Variants in SI observed in about 807,000 individuals in gnomAD.
SI encodes the protein sucrase-isomaltase.
SI carries 235 observed loss-of-function variants against 253.3 expected under a neutral mutation model. The observed-to-expected ratio is 0.93, with a 90% CI of 0.83 to 1.03. The LOEUF is 1.03. SI is among the 50% of genes least tolerant of loss of function. The pLI is 0.00. For synonymous variants in SI, 819 were observed against 712.0 expected (o/e 1.15, Z -2.39); for missense variants, 2,442 against 2,211.1 (o/e 1.10, Z -2.09).
chr3:165,072,164 A>T (rs539678803), intron 3 of SI, among the ~76,000 whole-genome samples: 250 of 151,878 alleles, frequency 1.6e-3, no homozygotes, highest in African/African-American at 5.5e-3. Context: ...CTTTTTTTTT[A>T]AATTAAGGAA....
chr3:165,045,313 G>A (rs1462934496), intron 16 of SI, among the ~76,000 whole-genome samples: 1 of 151,716 alleles, frequency 6.6e-6, no homozygotes, highest in Non-Finnish European at 1.5e-5. Flanking sequence ...TATTGAACAG[G>A]GTATATCTTT....
At chr3:165,022,420 G>T (rs1711670113) in intron 26 of SI, among the ~76,000 whole-genome samples, 1 of 122,400 alleles carries the variant, frequency 8.2e-6, no homozygotes, top group Non-Finnish European at 1.8e-5. Flanking sequence ...TTTTATTTTA[G>T]CATATGATTA....
At chr3:165,083,920 T>G in the SI span, among the ~76,000 whole-genome samples, 4 of 152,016 alleles carry the variant, frequency 2.6e-5, no homozygotes, top group South Asian at 2.1e-4. Context: ...GCTTTGTTGT[T>G]TGATGACAAA....
intron 25 of SI, among the ~76,000 whole-genome samples, chr3:165,030,004 A>G (rs1439074327): frequency 2.0e-5 from 3 of 150,720 alleles, no homozygotes; most frequent in African/African-American, 4.9e-5. Context: ...GATTCTATGC[A>G]TCTCTTTATA....
At position 165,049,019 on chromosome 3, in the gene SI, TTC is replaced by T. The variant is rs1491181404; in HGVS notation, c.1715+106_1715+107del. On this transcript the variant is annotated intron_variant, in intron 15 of 47. Transcript: ENST00000264382. ...TTTTAGCAGGCATAAAATATTATCT[TTC>T]TTTTTTCAACTTTGCTATTTCCTAA... 6.8e-5 allele frequency: 51 copies of T among 751,160 alleles called. No individual in the cohort carries two copies. In the African/African-American group the frequency reaches 7.6e-4, roughly 11 times the overall value. The allele number at this position is 751,160 out of a possible 1,614,324, so 46.5% of individuals were successfully genotyped here.
At chr3:165,004,122 T>C (rs1718388481) in intron 37 of SI, among the ~76,000 whole-genome samples, 1 of 152,102 alleles carries the variant, frequency 6.6e-6, no homozygotes, top group South Asian at 2.1e-4. Flanking sequence ...AATAATCTGA[T>C]TTAAAAATGG....
chr3:164,993,798 G>A (rs571702801), intron 41 of SI, among the ~76,000 whole-genome samples: 15 of 151,764 alleles, frequency 9.9e-5, no homozygotes, highest in African/African-American at 3.4e-4. Flanking sequence ...TAAGGATAAT[G>A]TTGAAACTGT....
intron 13 of SI, among the ~76,000 whole-genome samples, chr3:165,054,903 A>G (rs1713619898): frequency 2.0e-5 from 3 of 152,126 alleles, no homozygotes; most frequent in South Asian, 4.1e-4. Flanking sequence ...ACTAATTTTC[A>G]GGTAAAGTAT....
At chr3:164,988,867 A>C (rs1236799102) in intron 44 of SI, among the ~76,000 whole-genome samples, 1 of 152,114 alleles carries the variant, frequency 6.6e-6, no homozygotes, top group East Asian at 1.9e-4. Context: ...GAGAAACAGA[A>C]ATCCAGGTAG....
At chr3:165,055,415 C>T (rs1713647376) in intron 12 of SI, 108 bp from the exon 13 acceptor site, 1 of 676,232 alleles carries the variant, frequency 1.5e-6, no homozygotes, top group African/African-American at 1.8e-5. Context: ...AGTTATTCTA[C>T]TTCTTTAGGT....
rs1350259015 is a variant in SI, at chr3:165,068,711, A to T, written c.483+11T>A. The T allele has an allele frequency of 6.2e-7, 1 of 1,601,470 alleles. No individual in the cohort carries two copies. The highest frequency in any genetic ancestry group is 8.6e-7 in the Non-Finnish European group (1 of 1,168,558). ...TTAGTATTAAATCTTTGGAAACCTT[A>T]AAAACCGAACCTTGAACCGGAAACG... On this transcript the variant is annotated intron_variant, in intron 5 of 47. Coordinates refer to ENST00000264382, the MANE Select transcript of SI (RefSeq NM_001041.4).
In SI at chr3:164,992,241, G is replaced by A. The variant is rs768962915; in HGVS notation, c.4927-8C>T. On this transcript the variant is annotated splice_region_variant and splice_polypyrimidine_tract_variant and intron_variant, in intron 42 of 47. Transcript: ENST00000264382. ...ATTTACAGTTTGAACATACTGGAATGTAAATAAATAGCCATTAGTTGTATA... is the reference window on the plus strand; with the variant it reads ...ATTTACAGTTTGAACATACTGGAATATAAATAAATAGCCATTAGTTGTATA... 1.2e-6 allele frequency: 2 copies of A among 1,612,750 alleles called. No individual in the cohort carries two copies. Among genetic ancestry groups the A allele is most frequent in the Non-Finnish European group, 1.7e-6 (2 of 1,179,096 alleles).
chr3:165,030,899 G>GAAAAAAAAAAAAAAAAAAAA, intron 24 of SI, 32 bp from the exon 25 acceptor site: 1 of 1,127,402 alleles, frequency 8.9e-7, no homozygotes, highest in Non-Finnish European at 1.2e-6. Flanking sequence ...AAGAAAAAAA[G>GAAAAAAAAAAAAAAAAAAAA]AAAAAAAAAA....
intron 33 of SI, among the ~76,000 whole-genome samples, chr3:165,014,254 T>C (rs750965446): frequency 2.6e-5 from 4 of 152,096 alleles, no homozygotes; most frequent in African/African-American, 2.4e-5. Context: ...TTTGTTGTTG[T>C]TGTTGTTGTT....
In SI at chr3:165,062,354, A is replaced by G; in HGVS notation, c.1020+17T>C. ...AAGTATGCAGAAAAAATTTTATAAA[A>G]TAGACCTGAAACACACCTGTTGATA... On this transcript the variant is annotated intron_variant, in intron 9 of 47. Transcript: ENST00000264382. 7.9e-7 allele frequency: 1 copy of G among 1,269,904 alleles called. No individual in the cohort carries two copies. Among genetic ancestry groups the G allele is most frequent in the Non-Finnish European group, 1.2e-6 (1 of 867,174 alleles). 78.7% of individuals were successfully genotyped at this position (1,269,904 alleles called of 1,614,324 possible).
At chr3:165,066,284 G>C (rs979638855) in intron 6 of SI, among the ~76,000 whole-genome samples, 3 of 151,800 alleles carry the variant, frequency 2.0e-5, no homozygotes, top group Non-Finnish European at 2.9e-5. Flanking sequence ...CATGGATTTT[G>C]GTATACTCAG....
chr3:165,004,422 A>T (rs1291264658), intron 37 of SI, among the ~76,000 whole-genome samples: 1 of 152,134 alleles, frequency 6.6e-6, no homozygotes, highest in Non-Finnish European at 1.5e-5. Flanking sequence ...TAGAGCTACT[A>T]TATGATTCAG....
intron 13 of SI, among the ~76,000 whole-genome samples, chr3:165,051,040 T>C (rs9290255): frequency 0.58 from 88,754 of 151,776 alleles, 26,333 homozygotes; most frequent in East Asian, 0.81. Flanking sequence ...AAATAATTTT[T>C]TAAACACATG....
the SI span, among the ~76,000 whole-genome samples, chr3:165,084,236 A>C: frequency 8.0e-4 from 121 of 152,182 alleles, 1 homozygote; most frequent in East Asian, 0.02. Flanking sequence ...CCAGACATCA[A>C]ATCTGGCAGC....
Sources: allele counts gnomAD v4.1 joint callset (sites outside exome capture counted in the v4.1 genomes callset), GRCh38; gene constraint gnomAD v4.1.1; transcripts MANE v1.5; gene names NCBI Gene and HGNC (gene_info 2026-07-23, HGNC 2026-07-21).